Variants in C10orf67 observed in about 807,000 individuals in gnomAD.
C10orf67 encodes the protein chromosome 10 open reading frame 67, also known as uncharacterized protein C10orf67, mitochondrial.
C10orf67 carries 60 observed loss-of-function variants against 35.6 expected under a neutral mutation model. The observed-to-expected ratio is 1.68, with a 90% CI of 1.37 to 2.09. The LOEUF is 2.09. C10orf67 is among the 30% of genes most tolerant of loss of function. The pLI is 0.00. For synonymous variants in C10orf67, 167 were observed against 115.8 expected (o/e 1.44, Z -2.84); for missense variants, 474 against 330.2 (o/e 1.44, Z -3.38).
At chr10:23,234,147 A>G (rs1189216491) in intron 13 of C10orf67, among the ~76,000 whole-genome samples, 1 of 152,206 alleles carries the variant, frequency 6.6e-6, no homozygotes, top group Non-Finnish European at 1.5e-5. Context: ...CAGAACTACC[A>G]TTTGACCCAG....
intron 12 of C10orf67, among the ~76,000 whole-genome samples, chr10:23,246,389 A>G (rs540365349): frequency 6.6e-6 from 1 of 152,356 alleles, no homozygotes; most frequent in South Asian, 2.1e-4. Flanking sequence ...TTTAATTAAA[A>G]TTAAAATTTT....
In C10orf67 at chr10:23,266,331, CA is replaced by C. The variant is rs1842882988; in HGVS notation, c.1130del (p.Met377ArgfsTer18). 2.5e-6 allele frequency: 1 copy of C among 398,520 alleles called. No individual in the cohort carries two copies. The highest frequency in any genetic ancestry group is 2.1e-5 in the African/African-American group (1 of 48,614). The allele number at this position is 398,520 out of a possible 1,614,324, so 24.7% of individuals were successfully genotyped here. A position where few individuals can be genotyped will look rare whatever the true frequency, so the allele number is the denominator to read the frequency against. On this transcript the variant is annotated frameshift_variant, in exon 10 of 16. Coordinates refer to ENST00000636213, the MANE Select transcript of C10orf67 (RefSeq NM_001371909.1). LOFTEE classifies it high-confidence loss of function. Reference sequence around the variant, plus strand: ...TCTGGGCCCCAGCAGATGATACACTCATGGTCGCAGAATGTGGCCTCAAAGC... The same window carrying C: ...TCTGGGCCCCAGCAGATGATACACTCTGGTCGCAGAATGTGGCCTCAAAGC... The part of the protein sequence containing the change: ...TTALRPHSAT[M>X]SVSSAGAQKA...
intron 10 of C10orf67, among the ~76,000 whole-genome samples, chr10:23,264,273 T>C (rs574928587): frequency 4.6e-4 from 70 of 152,330 alleles, no homozygotes; most frequent in Non-Finnish European, 7.2e-4. Context: ...GATATTACAC[T>C]TAACAAAGTG....
intron 8 of C10orf67, among the ~76,000 whole-genome samples, chr10:23,277,724 A>C (rs61847286): frequency 0.013 from 1,940 of 152,262 alleles, 21 homozygotes; most frequent in Non-Finnish European, 0.02. Flanking sequence ...TCATTTAATA[A>C]ATAATTTGAT....
intron 10 of C10orf67, among the ~76,000 whole-genome samples, chr10:23,265,379 T>C (rs899482658): frequency 6.6e-6 from 1 of 152,246 alleles, no homozygotes; most frequent in African/African-American, 2.4e-5. Flanking sequence ...GTGCAAATTC[T>C]GCCCTGTGTA....
At position 23,322,556 on chromosome 10, in the gene C10orf67, A is replaced by G; in HGVS notation, c.328-19T>C. 6.5e-7 allele frequency: 1 copy of G among 1,538,944 alleles called. No homozygotes were observed. Among genetic ancestry groups the G allele is most frequent in the South Asian group, 1.2e-5 (1 of 86,906 alleles). On this transcript the variant is annotated intron_variant, in intron 2 of 15. Coordinates refer to ENST00000636213, the MANE Select transcript of C10orf67 (RefSeq NM_001371909.1). ...TCATCATCTAAAAATGGAAAATATT[A>G]TCCTTAGCGAAGTAACACAGGAACA...
At chr10:23,274,082 T>C (rs2132218114) in intron 8 of C10orf67, among the ~76,000 whole-genome samples, 1 of 152,134 alleles carries the variant, frequency 6.6e-6, no homozygotes, top group East Asian at 1.9e-4. Flanking sequence ...AGCAAGTTTT[T>C]ATTAGGGATT....
chr10:23,280,237 T>C (rs1248265139), intron 8 of C10orf67, among the ~76,000 whole-genome samples: 1 of 152,198 alleles, frequency 6.6e-6, no homozygotes, highest in Non-Finnish European at 1.5e-5. Context: ...AAAATAACTT[T>C]CATTGGAAAA....
intron 2 of C10orf67, among the ~76,000 whole-genome samples, chr10:23,324,348 A>G (rs4131723): frequency 5.3e-5 from 8 of 151,770 alleles, no homozygotes; most frequent in African/African-American, 1.9e-4. Flanking sequence ...TCTGGAGTTC[A>G]CCTCTTTCTT....
intron 15 of C10orf67, among the ~76,000 whole-genome samples, chr10:23,209,028 C>T (rs546857864): frequency 6.6e-6 from 1 of 152,094 alleles, no homozygotes; most frequent in East Asian, 1.9e-4. Flanking sequence ...GACCCACCAC[C>T]TAGATGAAGG....
At chr10:23,325,532 C>CAAAAAAAAAAAAAAA (rs869275809) in intron 2 of C10orf67, among the ~76,000 whole-genome samples, 1 of 92,926 alleles carries the variant, frequency 1.1e-5, no homozygotes. Context: ...TAATTGTGTG[C>CAAAAAAAAAAAAAAA]AAAAAAAAAA....
At chr10:23,290,039 G>T in intron 6 of C10orf67, 81 bp from the exon 7 acceptor site, 1 of 695,762 alleles carries the variant, frequency 1.4e-6, no homozygotes, top group East Asian at 2.7e-5. Flanking sequence ...TTCAGGGCAG[G>T]CTGTGGGGCA....
intron 10 of C10orf67, among the ~76,000 whole-genome samples, chr10:23,259,213 C>T (rs886953914): frequency 1.3e-5 from 2 of 152,178 alleles, no homozygotes; most frequent in African/African-American, 4.8e-5. Context: ...ATAGACTGGG[C>T]AGCATACAAT....
chr10:23,239,682 G>C (rs1046667947), intron 13 of C10orf67, 47 bp downstream of exon 13: 3 of 616,834 alleles, frequency 4.9e-6, no homozygotes, highest in African/African-American at 1.8e-5. Flanking sequence ...GAAACAGACA[G>C]GTATATTCAA....
chr10:23,228,491 A>G (rs1564462240), intron 13 of C10orf67, among the ~76,000 whole-genome samples: 1 of 152,220 alleles, frequency 6.6e-6, no homozygotes, highest in African/African-American at 2.4e-5. Flanking sequence ...AAACCCTAGA[A>G]GAAAACCTAG....
At chr10:23,298,252 C>T (rs1401598803) in intron 5 of C10orf67, among the ~76,000 whole-genome samples, 1 of 152,066 alleles carries the variant, frequency 6.6e-6, no homozygotes, top group African/African-American at 2.4e-5. Context: ...GAGACTCTGT[C>T]TCAAAAAAAC....
At chr10:23,325,545 A>AC (rs374564237) in intron 2 of C10orf67, among the ~76,000 whole-genome samples, 2,693 of 140,840 alleles carry the variant, frequency 0.019, 43 homozygotes, top group African/African-American at 0.034. Context: ...AAAAAAAAAA[A>AC]ACAAAAAACA....
chr10:23,273,143 T>C (rs756158633), intron 8 of C10orf67, among the ~76,000 whole-genome samples: 8 of 152,350 alleles, frequency 5.3e-5, no homozygotes, highest in Non-Finnish European at 8.8e-5. Context: ...AAGTTCTACC[T>C]CTTCCTTCCC....
intron 5 of C10orf67, among the ~76,000 whole-genome samples, chr10:23,297,594 T>C (rs143920188): frequency 0.063 from 9,625 of 152,266 alleles, 384 homozygotes; most frequent in Non-Finnish European, 0.094. Flanking sequence ...CGAAGTCCTT[T>C]TTCTACAAAG....
Sources: allele counts gnomAD v4.1 joint callset (sites outside exome capture counted in the v4.1 genomes callset), GRCh38; gene constraint gnomAD v4.1.1; transcripts MANE v1.5; gene names NCBI Gene and HGNC (gene_info 2026-07-23, HGNC 2026-07-21).